Variants in MYO1D observed in about 807,000 individuals in gnomAD.
MYO1D encodes the protein unconventional myosin-Id.
Under a neutral mutation model 122.0 loss-of-function variants are expected in MYO1D, and 83 were observed. The observed-to-expected ratio is 0.68, with a 90% CI of 0.57 to 0.82. The LOEUF (loss-of-function observed/expected upper bound fraction) is 0.82, where lower values mean the gene tolerates loss of function less well. Among genes scored for constraint, MYO1D ranks in the 40% least tolerant of loss-of-function variants. The probability of loss-of-function intolerance (pLI) is 0.00; values close to 1 mark genes in which losing one functional copy is unlikely to be tolerated. For missense variants in MYO1D, 1,157 were observed against 1,269.5 expected, an observed-to-expected ratio of 0.91 and a Z score of 1.35; for synonymous variants, 464 against 446.9, an observed-to-expected ratio of 1.04 and a Z score of -0.48.
At chr17:32,809,945 C>G (rs1311780331) in intron 1 of MYO1D, among the ~76,000 whole-genome samples, 1 of 152,132 alleles carries the variant, frequency 6.6e-6, no homozygotes, top group African/African-American at 2.4e-5. Flanking sequence ...CAGGCAAAAA[C>G]TAATTAATGC....
chr17:32,738,431 C>A, intron 13 of MYO1D, 46 bp from the exon 14 acceptor site: 1 of 1,517,664 alleles, frequency 6.6e-7, no homozygotes. Flanking sequence ...TTCAAATAAG[C>A]TGGATAAAAA....
intron 11 of MYO1D, 59 bp downstream of exon 11, chr17:32,755,433 A>G: frequency 1.3e-6 from 2 of 1,539,740 alleles, no homozygotes; most frequent in Non-Finnish European, 1.8e-6. Context: ...GTTGAACTCC[A>G]TCAAACAATA....
intron 21 of MYO1D, among the ~76,000 whole-genome samples, chr17:32,537,709 A>G (rs1910704751): frequency 6.6e-6 from 1 of 152,230 alleles, no homozygotes; most frequent in Admixed American, 6.5e-5. Context: ...ATGAATCCAT[A>G]AGAAGGAAAT....
chr17:32,581,299 T>A (rs1392036258), intron 21 of MYO1D, among the ~76,000 whole-genome samples: 2 of 152,164 alleles, frequency 1.3e-5, no homozygotes, highest in Non-Finnish European at 1.5e-5. Flanking sequence ...ATTTTTCATG[T>A]TGATATTGGG....
At chr17:32,822,408 A>G (rs142414016) in intron 1 of MYO1D, among the ~76,000 whole-genome samples, 26,848 of 149,776 alleles carry the variant, frequency 0.18, 2,566 homozygotes, top group Middle Eastern at 0.29. Flanking sequence ...TAACGCGTCC[A>G]GCGCCGTCCG....
intron 21 of MYO1D, among the ~76,000 whole-genome samples, chr17:32,567,284 T>C (rs1308439335): frequency 1.3e-5 from 2 of 152,206 alleles, no homozygotes; most frequent in African/African-American, 2.4e-5. Context: ...GCAAGTGACA[T>C]GTGCTCAAGA....
At chr17:32,871,077 G>C (rs1432701030) in intron 1 of MYO1D, among the ~76,000 whole-genome samples, 5 of 152,194 alleles carry the variant, frequency 3.3e-5, no homozygotes, top group African/African-American at 4.8e-5. Context: ...ATGAGTAAGA[G>C]TATGGCAGGC....
chr17:32,603,685 C>T (rs1490780932), intron 21 of MYO1D, among the ~76,000 whole-genome samples: 3 of 151,856 alleles, frequency 2.0e-5, no homozygotes, highest in Non-Finnish European at 4.4e-5. Context: ...GCCACCAAGC[C>T]CAGCTAATTT....
chr17:32,619,933 TC>T (rs1165032667), intron 20 of MYO1D, among the ~76,000 whole-genome samples: 1 of 152,220 alleles, frequency 6.6e-6, no homozygotes, highest in Non-Finnish European at 1.5e-5. Context: ...TTGTATTGTA[TC>T]CTGGTCATTC....
At chr17:32,561,335 AT>A (rs1176332233) in intron 21 of MYO1D, among the ~76,000 whole-genome samples, 9 of 149,034 alleles carry the variant, frequency 6.0e-5, no homozygotes, top group Admixed American at 1.4e-4. Context: ...TTTTGCTTCA[AT>A]TTTTTTCCAA....
chr17:32,760,729 A>G, intron 8 of MYO1D, 102 bp from the exon 9 acceptor site: 3 of 1,253,590 alleles, frequency 2.4e-6, no homozygotes, highest in South Asian at 1.5e-5. Context: ...CTCACTGTTT[A>G]GCATAGCCAT....
At chr17:32,580,076 T>C (rs1046444900) in intron 21 of MYO1D, among the ~76,000 whole-genome samples, 2 of 152,160 alleles carry the variant, frequency 1.3e-5, no homozygotes, top group African/African-American at 2.4e-5. Flanking sequence ...CCCACCATGA[T>C]AATATAAAAT....
chr17:32,661,813 AT>A (rs2088569906), intron 16 of MYO1D, among the ~76,000 whole-genome samples: 1 of 152,170 alleles, frequency 6.6e-6, no homozygotes, highest in Non-Finnish European at 1.5e-5. Flanking sequence ...GTATGTTTAC[AT>A]TACCTATATT....
At chr17:32,644,837 G>A (rs1453030836) in intron 19 of MYO1D, among the ~76,000 whole-genome samples, 1 of 152,132 alleles carries the variant, frequency 6.6e-6, no homozygotes, top group Non-Finnish European at 1.5e-5. Flanking sequence ...CTTGAATACA[G>A]TACCCTGATG....
At chr17:32,662,174 T>C (rs1312103498) in intron 16 of MYO1D, among the ~76,000 whole-genome samples, 2 of 152,194 alleles carry the variant, frequency 1.3e-5, no homozygotes, top group African/African-American at 4.8e-5. Context: ...CTCTTCCACG[T>C]TGGATCCGAG....
intron 21 of MYO1D, among the ~76,000 whole-genome samples, chr17:32,572,709 TC>T (rs2087243015): frequency 6.6e-6 from 1 of 152,146 alleles, no homozygotes; most frequent in Non-Finnish European, 1.5e-5. Context: ...ACTCTTCCCT[TC>T]ATTCACTCTG....
At chr17:32,822,770 C>T (rs1420849843) in intron 1 of MYO1D, among the ~76,000 whole-genome samples, 1 of 151,434 alleles carries the variant, frequency 6.6e-6, no homozygotes, top group East Asian at 1.9e-4. Context: ...CCCGGGGCGT[C>T]CCCGCACCCG....
At chr17:32,709,571 T>C (rs2089350178) in intron 16 of MYO1D, among the ~76,000 whole-genome samples, 1 of 151,804 alleles carries the variant, frequency 6.6e-6, no homozygotes, top group South Asian at 2.1e-4. Context: ...GAAAGCAACA[T>C]TAAAAAAAAA....
At chr17:32,840,519 A>G (rs1455225987) in intron 1 of MYO1D, among the ~76,000 whole-genome samples, 1 of 152,218 alleles carries the variant, frequency 6.6e-6, no homozygotes, top group Non-Finnish European at 1.5e-5. Flanking sequence ...GACATAAAAA[A>G]GGTTAGGAAT....
Sources: allele counts gnomAD v4.1 joint callset (sites outside exome capture counted in the v4.1 genomes callset), GRCh38; gene constraint gnomAD v4.1.1; transcripts MANE v1.5; gene names NCBI Gene and HGNC (gene_info 2026-07-23, HGNC 2026-07-21).